ROR2: variants seen among roughly 807,000 people sequenced by gnomAD.
ROR2 encodes ROR family WNT receptor 2.
ROR2 carries 33 observed loss-of-function variants against 74.9 expected under a neutral mutation model. That is an observed-to-expected ratio of 0.44 (90% CI 0.33 to 0.59). The LOEUF is 0.59. Among genes scored for constraint, ROR2 ranks in the 20% least tolerant of loss-of-function variants. ROR2 has a pLI of 0.02. For synonymous variants in ROR2, 586 were observed against 558.7 expected (o/e 1.05, Z -0.69); for missense variants, 1,216 against 1,313.8 (o/e 0.93, Z 1.15).
intron 1 of ROR2, among the ~76,000 whole-genome samples, chr9:91,885,940 C>A (rs972527844): frequency 1.0e-4 from 14 of 135,698 alleles, no homozygotes; most frequent in African/African-American, 3.4e-4. Context: ...ATGTCGCAAT[C>A]TCAGCTCACT....
chr9:91,929,990 T>C (rs1587855064), intron 1 of ROR2, among the ~76,000 whole-genome samples: 1 of 152,044 alleles, frequency 6.6e-6, no homozygotes, highest in African/African-American at 2.4e-5. Context: ...CAGTGGCTGC[T>C]CAACCCCTAC....
chr9:91,927,038 A>T (rs1831423936), intron 1 of ROR2, among the ~76,000 whole-genome samples: 1 of 150,532 alleles, frequency 6.6e-6, no homozygotes, highest in South Asian at 2.1e-4. Flanking sequence ...AATTTTAAAA[A>T]GAAAAAAATA....
chr9:91,735,546 A>T (rs1318929955), intron 5 of ROR2, among the ~76,000 whole-genome samples: 1 of 151,390 alleles, frequency 6.6e-6, no homozygotes, highest in African/African-American at 2.4e-5. Context: ...TAGCATTTTA[A>T]AAGATGGTAA....
At chr9:91,914,701 C>G (rs1831082964) in intron 1 of ROR2, among the ~76,000 whole-genome samples, 1 of 152,140 alleles carries the variant, frequency 6.6e-6, no homozygotes, top group South Asian at 2.1e-4. Context: ...GAACCAGGAC[C>G]TGCAGTCACA....
chr9:91,946,354 G>A (rs1315543308), intron 1 of ROR2, among the ~76,000 whole-genome samples: 1 of 152,224 alleles, frequency 6.6e-6, no homozygotes, highest in Non-Finnish European at 1.5e-5. Context: ...GCAAGGAAGA[G>A]CCCGCCCCGA....
intron 1 of ROR2, among the ~76,000 whole-genome samples, chr9:91,819,206 C>T (rs1828049686): frequency 1.3e-5 from 2 of 152,314 alleles, no homozygotes; most frequent in African/African-American, 4.8e-5. Flanking sequence ...CAGCCCAAGG[C>T]CAGGACTGAC....
At chr9:91,743,115 G>A (rs181660704) in intron 4 of ROR2, among the ~76,000 whole-genome samples, 25 of 152,206 alleles carry the variant, frequency 1.6e-4, no homozygotes, top group Admixed American at 1.2e-3. Context: ...TTCTCACAAC[G>A]TATCTCCACT....
At chr9:91,735,584 C>T (rs1473559577) in intron 5 of ROR2, among the ~76,000 whole-genome samples, 2 of 141,904 alleles carry the variant, frequency 1.4e-5, no homozygotes, top group Admixed American at 7.4e-5. Flanking sequence ...TCAGAATGCA[C>T]GGTTCCTACT....
In ROR2 at chr9:91,733,086, G is replaced by A. The variant is rs1018464641; in HGVS notation, c.937+36C>T. 1.6e-5 allele frequency: 24 copies of A among 1,544,808 alleles called. No homozygotes were observed. Among genetic ancestry groups the A allele is most frequent in the African/African-American group, 2.7e-5 (2 of 73,508 alleles). On this transcript the variant is annotated intron_variant, in intron 6 of 8. Coordinates refer to ENST00000375708, the MANE Select transcript of ROR2 (RefSeq NM_004560.4). The surrounding 1 kb of genome is among the most constrained non-coding windows in gnomAD (Gnocchi z 5.7). Reference sequence around the variant, plus strand: ...ATTTCAAGGGCCCTACACTCCCTGCGCCCCCCGGTCCCGCCCCGGGCCCTC... The same window carrying A: ...ATTTCAAGGGCCCTACACTCCCTGCACCCCCCGGTCCCGCCCCGGGCCCTC...
intron 1 of ROR2, among the ~76,000 whole-genome samples, chr9:91,843,635 G>A (rs911480514): frequency 6.6e-6 from 1 of 152,206 alleles, no homozygotes; most frequent in Non-Finnish European, 1.5e-5. Flanking sequence ...TATATGTCTA[G>A]AGACTCCACA....
At chr9:91,806,403 C>A (rs1465575782) in intron 1 of ROR2, among the ~76,000 whole-genome samples, 1 of 152,084 alleles carries the variant, frequency 6.6e-6, no homozygotes, top group East Asian at 1.9e-4. Flanking sequence ...GGGTTCCACC[C>A]TCCTGATCTC....
intron 4 of ROR2, among the ~76,000 whole-genome samples, chr9:91,747,174 C>T (rs189598962): frequency 9.8e-5 from 15 of 152,344 alleles, no homozygotes; most frequent in Admixed American, 5.9e-4. Flanking sequence ...TTGGATAACC[C>T]GGGCCTCGGA....
intron 1 of ROR2, among the ~76,000 whole-genome samples, chr9:91,879,659 A>AG (rs1830051855): frequency 6.6e-6 from 1 of 151,938 alleles, no homozygotes; most frequent in Non-Finnish European, 1.5e-5. Context: ...GGAAGAGCCC[A>AG]CTCTCTTCCT....
At chr9:91,938,137 C>G (rs1831750899) in intron 1 of ROR2, among the ~76,000 whole-genome samples, 1 of 152,160 alleles carries the variant, frequency 6.6e-6, no homozygotes, top group Non-Finnish European at 1.5e-5. Flanking sequence ...CCAGGCTGAC[C>G]CGAGTTAGTC....
chr9:91,775,650 C>T, intron 2 of ROR2, 91 bp downstream of exon 2: 1 of 1,234,006 alleles, frequency 8.1e-7, no homozygotes, highest in South Asian at 1.2e-5. Flanking sequence ...AGAGGACCCC[C>T]AGCGCCTTCC....
chr9:91,902,261 A>G (rs143588705), intron 1 of ROR2, among the ~76,000 whole-genome samples: 17 of 152,316 alleles, frequency 1.1e-4, no homozygotes, highest in African/African-American at 3.6e-4. Flanking sequence ...CATAGTAGAA[A>G]TATCTCATTT....
At chr9:91,939,847 A>T (rs1262594282) in intron 1 of ROR2, among the ~76,000 whole-genome samples, 1 of 152,184 alleles carries the variant, frequency 6.6e-6, no homozygotes, top group Non-Finnish European at 1.5e-5. Flanking sequence ...GTGCTGAAGG[A>T]GGTGGTAACA....
intron 1 of ROR2, among the ~76,000 whole-genome samples, chr9:91,849,320 G>C (rs1333143200): frequency 6.6e-6 from 1 of 152,200 alleles, no homozygotes. Flanking sequence ...ATCAAATAAA[G>C]GGGCCCTGTA....
intron 1 of ROR2, among the ~76,000 whole-genome samples, chr9:91,792,961 A>G (rs1827050163): frequency 6.6e-6 from 1 of 152,210 alleles, no homozygotes; most frequent in Non-Finnish European, 1.5e-5. Flanking sequence ...AAGGACTAAA[A>G]GGCTTTCCTC....
Sources: gnomAD v4.1 joint callset for allele counts (sites outside exome capture counted in the v4.1 genomes callset) on GRCh38, gnomAD v4.1.1 for gene constraint, Gnocchi (gnomAD v3.1) non-coding constraint, MANE v1.5 for transcripts, NCBI Gene and HGNC (gene_info 2026-07-23, HGNC 2026-07-21) for gene names.